The following EBF1 variants were observed in gnomAD, a reference collection of about 807,000 sequenced individuals.
EBF1 encodes the protein transcription factor COE1.
A neutral mutation model predicts 68.4 loss-of-function variants in EBF1; 10 were observed. The observed-to-expected ratio is 0.15, with a 90% CI of 0.09 to 0.25. The LOEUF (loss-of-function observed/expected upper bound fraction) is 0.25, where lower values mean the gene tolerates loss of function less well. Ranked by LOEUF, EBF1 falls within the 10% of genes least tolerant of loss-of-function variation. The probability of loss-of-function intolerance (pLI) is 1.00; values close to 1 mark genes in which losing one functional copy is unlikely to be tolerated. For missense variants in EBF1, 509 were observed against 794.4 expected, an observed-to-expected ratio of 0.64 and a Z score of 4.32; for synonymous variants, 298 against 299.8, an observed-to-expected ratio of 0.99 and a Z score of 0.06.
intron 6 of EBF1, among the ~76,000 whole-genome samples, chr5:158,890,336 C>A (rs115426301): frequency 2.5e-3 from 386 of 152,278 alleles, no homozygotes; most frequent in African/African-American, 8.7e-3. Flanking sequence ...AAAGATGATC[C>A]GCATTTGCTT....
chr5:159,095,827 T>C, intron 3 of EBF1, 152 bp from the exon 4 acceptor site: 1 of 788,752 alleles, frequency 1.3e-6, no homozygotes, highest in Non-Finnish European at 2.0e-6. Flanking sequence ...CCCACTGTCC[T>C]GGAAAATACA....
intron 6 of EBF1, among the ~76,000 whole-genome samples, chr5:159,072,038 T>C (rs532876503): frequency 2.0e-5 from 3 of 152,252 alleles, no homozygotes; most frequent in Non-Finnish European, 2.9e-5. Flanking sequence ...AGCAACTATA[T>C]GAACAGTATA....
chr5:158,819,149 C>T (rs1255531482), intron 8 of EBF1, among the ~76,000 whole-genome samples: 1 of 152,122 alleles, frequency 6.6e-6, no homozygotes, highest in Non-Finnish European at 1.5e-5. Flanking sequence ...TAAAAAAATA[C>T]ATATATCCCC....
chr5:158,729,501 A>G (rs1182946907), intron 11 of EBF1, among the ~76,000 whole-genome samples: 1 of 152,212 alleles, frequency 6.6e-6, no homozygotes, highest in Non-Finnish European at 1.5e-5. Flanking sequence ...CTATAAAATT[A>G]CCAGTTGTCC....
chr5:158,744,606 T>G (rs1050844463), intron 10 of EBF1, among the ~76,000 whole-genome samples: 1 of 152,222 alleles, frequency 6.6e-6, no homozygotes, highest in African/African-American at 2.4e-5. Context: ...AGTCTCACTC[T>G]ATAACTCCCA....
chr5:159,070,650 G>A (rs1348108781), intron 6 of EBF1, among the ~76,000 whole-genome samples: 4 of 152,142 alleles, frequency 2.6e-5, no homozygotes, highest in East Asian at 1.9e-4. Context: ...CCCAAATTCC[G>A]AAGGACAAGC....
intron 6 of EBF1, among the ~76,000 whole-genome samples, chr5:158,877,069 A>G (rs1797948089): frequency 6.6e-6 from 1 of 152,114 alleles, no homozygotes; most frequent in African/African-American, 2.4e-5. Context: ...TTTGGCATGT[A>G]TTTTCTTGAA....
rs867995823 is a variant in EBF1, at chr5:158,942,984, A to G, written c.555-102874T>C. 3.5e-4 allele frequency among the ~76,000 whole-genome samples: 41 copies of G among 116,952 alleles called. No homozygotes were observed. In the South Asian group the frequency reaches 9.7e-3, roughly 28 times the overall value. 76.7% of individuals were successfully genotyped at this position (116,952 alleles called of 152,430 possible). On this transcript the variant is annotated intron_variant, in intron 6 of 15. Transcript: ENST00000313708. Reference sequence around the variant, plus strand: ...GGGAGGGGGAAGGAGGGAAGGAGGAAGAGAGGAAGGGAGGAAGGGAGGAAA... The same window carrying G: ...GGGAGGGGGAAGGAGGGAAGGAGGAGGAGAGGAAGGGAGGAAGGGAGGAAA...
chr5:159,012,011 G>A (rs1027428526), intron 6 of EBF1, among the ~76,000 whole-genome samples: 9 of 151,956 alleles, frequency 5.9e-5, no homozygotes, highest in African/African-American at 9.7e-5. Context: ...ACATGTGGCC[G>A]GGTGCAGTGA....
At chr5:158,792,114 T>G (rs1337287495) in intron 9 of EBF1, among the ~76,000 whole-genome samples, 1 of 152,128 alleles carries the variant, frequency 6.6e-6, no homozygotes, top group Non-Finnish European at 1.5e-5. Flanking sequence ...ACATCACACA[T>G]CAACCCTGCT....
intron 6 of EBF1, among the ~76,000 whole-genome samples, chr5:158,994,112 T>A (rs1001675802): frequency 6.6e-6 from 1 of 152,206 alleles, no homozygotes; most frequent in African/African-American, 2.4e-5. Context: ...GGTGGGTTAA[T>A]CATTCCCCTT....
chr5:158,977,791 T>C (rs1757081016), intron 6 of EBF1, among the ~76,000 whole-genome samples: 1 of 152,162 alleles, frequency 6.6e-6, no homozygotes, highest in Admixed American at 6.5e-5. Flanking sequence ...TGGGAATGCA[T>C]CCACTTTGAC....
At chr5:158,747,952 C>G (rs1309933969) in intron 10 of EBF1, among the ~76,000 whole-genome samples, 1 of 152,160 alleles carries the variant, frequency 6.6e-6, no homozygotes, top group Admixed American at 6.6e-5. Context: ...CAGGCTGTCA[C>G]TATTGTTCAC....
At chr5:158,873,815 TA>T (rs1433909709) in intron 6 of EBF1, among the ~76,000 whole-genome samples, 6 of 152,276 alleles carry the variant, frequency 3.9e-5, no homozygotes, top group Admixed American at 6.5e-5. Context: ...CAGTGCTATT[TA>T]AAGACACCTA....
chr5:158,761,319 C>T (rs1463460818), intron 10 of EBF1, among the ~76,000 whole-genome samples: 4 of 152,172 alleles, frequency 2.6e-5, no homozygotes, highest in East Asian at 1.9e-4. Flanking sequence ...GTTCTGCTGT[C>T]GGTTTGCTCC....
rs190675646 is a variant in EBF1, at chr5:158,969,237, G to A, written c.554+104159C>T. Among the ~76,000 whole-genome samples, 152 of 152,294 alleles carry A rather than the reference G, an allele frequency of 1.0e-3. No individual in the cohort carries two copies. In the Middle Eastern group the frequency reaches 0.014, roughly 14 times the overall value. On this transcript the variant is annotated intron_variant, in intron 6 of 15. Transcript: ENST00000313708. The stretch of plus-strand genomic sequence containing the variant: ...GACTCACTTGAACCTGGGGGGCAGA[G>A]GTTTCAGTAAGCCAAAATTGCACCA...
At chr5:158,781,244 T>A (rs946298214) in intron 9 of EBF1, among the ~76,000 whole-genome samples, 1 of 152,228 alleles carries the variant, frequency 6.6e-6, no homozygotes, top group African/African-American at 2.4e-5. Context: ...CTTATACTTA[T>A]AAAGAAGTAT....
At chr5:159,025,214 T>C (rs138380268) in intron 6 of EBF1, among the ~76,000 whole-genome samples, 357 of 152,332 alleles carry the variant, frequency 2.3e-3, no homozygotes, top group Admixed American at 4.3e-3. Flanking sequence ...TGGTGGTTTA[T>C]AACTGCCTTT....
chr5:159,021,791 C>T (rs1236752305), intron 6 of EBF1, among the ~76,000 whole-genome samples: 1 of 152,154 alleles, frequency 6.6e-6, no homozygotes, highest in African/African-American at 2.4e-5. Context: ...ACAACCAACC[C>T]AGCTGGAAGG....
Sources: allele counts gnomAD v4.1 joint callset (sites outside exome capture counted in the v4.1 genomes callset), GRCh38; gene constraint gnomAD v4.1.1; transcripts MANE v1.5; gene names NCBI Gene and HGNC (gene_info 2026-07-23, HGNC 2026-07-21).